The following TSPAN7 variants were observed in gnomAD, a reference collection of about 807,000 sequenced individuals.
TSPAN7 encodes tetraspanin-7.
A neutral mutation model predicts 17.6 loss-of-function variants in TSPAN7; 1 was observed. The ratio of observed to expected loss-of-function variants is 0.06; its 90% CI spans 0.02 to 0.27. The LOEUF is 0.27. TSPAN7 is among the 10% of genes least tolerant of loss of function. The pLI is 1.00. For synonymous variants in TSPAN7, 78 were observed against 79.0 expected, an observed-to-expected ratio of 0.99 and a Z score of 0.07; for missense variants, 112 against 201.7, an observed-to-expected ratio of 0.56 and a Z score of 2.69.
chrX:38,661,287 A>G (rs912422194), intron 1 of TSPAN7, among the ~76,000 whole-genome samples: 2 of 112,734 alleles, frequency 1.8e-5, no homozygotes, highest in African/African-American at 6.4e-5. Context: ...TGCCAAACCT[A>G]TCTGTAAGTT....
chrX:38,666,889 C>T (rs2069785955), intron 2 of TSPAN7, among the ~76,000 whole-genome samples: 1 of 112,059 alleles, frequency 8.9e-6, no homozygotes, highest in Admixed American at 9.4e-5. Context: ...CTTGAGCCAT[C>T]GTGCCCGGCC....
chrX:38,646,528 C>T (rs1234502848), intron 1 of TSPAN7, among the ~76,000 whole-genome samples: 1 of 111,867 alleles, frequency 8.9e-6, no homozygotes, highest in Non-Finnish European at 1.9e-5. Flanking sequence ...AAAGTGCGTT[C>T]GCAATTACCA....
At chrX:38,610,376 A>C (rs1602098175) in intron 1 of TSPAN7, among the ~76,000 whole-genome samples, 1 of 112,169 alleles carries the variant, frequency 8.9e-6, no homozygotes, top group African/African-American at 3.2e-5. Flanking sequence ...GGCATATGTA[A>C]ACATACACAC....
chrX:38,627,536 T>C lies in TSPAN7; in HGVS notation c.82-38585T>C, dbSNP rs186632192. On this transcript the variant is annotated intron_variant, in intron 1 of 7. Transcript: ENST00000378482. ...GAATGTGTGTACTAGTCCAATACCCTTTTCCAGCATAGATAAACTGCCAGG... is the reference window on the plus strand; with the variant it reads ...GAATGTGTGTACTAGTCCAATACCCCTTTCCAGCATAGATAAACTGCCAGG... Among the ~76,000 whole-genome samples, 197 of 111,771 alleles carry C rather than the reference T, an allele frequency of 1.8e-3. 4 individuals are homozygous for C. Among genetic ancestry groups the C allele is most frequent in the Admixed American group, 0.017 (177 of 10,559 alleles).
chrX:38,643,672 CAAAAAA>C (rs34238064), intron 1 of TSPAN7, among the ~76,000 whole-genome samples: 1 of 56,051 alleles, frequency 1.8e-5, no homozygotes, highest in African/African-American at 7.1e-5. Flanking sequence ...CCGTCTCTAC[CAAAAAA>C]AAAAAAAAAA....
chrX:38,587,758 C>T (rs180997804), intron 1 of TSPAN7, among the ~76,000 whole-genome samples: 20 of 112,057 alleles, frequency 1.8e-4, no homozygotes, highest in Non-Finnish European at 3.0e-4. Context: ...TCTATATTAA[C>T]ATCTCTCATA....
chrX:38,628,488 G>A (rs946841286), intron 1 of TSPAN7, among the ~76,000 whole-genome samples: 8 of 111,769 alleles, frequency 7.2e-5, no homozygotes, highest in African/African-American at 2.6e-4. Context: ...GCAGAGTATA[G>A]TACCCCTCTG....
At chrX:38,591,425 G>A (rs2069291053) in intron 1 of TSPAN7, among the ~76,000 whole-genome samples, 1 of 111,322 alleles carries the variant, frequency 9.0e-6, no homozygotes, top group Non-Finnish European at 1.9e-5. Flanking sequence ...AGATTTATTG[G>A]GTTTTGTTTA....
At chrX:38,644,927 G>A (rs2069636269) in intron 1 of TSPAN7, among the ~76,000 whole-genome samples, 1 of 111,785 alleles carries the variant, frequency 8.9e-6, no homozygotes, top group Non-Finnish European at 1.9e-5. Flanking sequence ...AAGGTCTCCC[G>A]GCCGGTAAGT....
At position 38,660,451 on chromosome X, in the gene TSPAN7, C is replaced by T. The variant is rs755703195; in HGVS notation, c.82-5670C>T. Among the ~76,000 whole-genome samples the T allele has an allele frequency of 1.8e-4, 20 of 111,936 alleles. No homozygotes were observed. In the East Asian group the frequency reaches 5.3e-3, roughly 30 times the overall value. ...TTTGTCCCCTTGGCACACACACTCA[C>T]ATAAGAATCAGCTAAGAGAATAGTT... On this transcript the variant is annotated intron_variant, in intron 1 of 7. Coordinates refer to ENST00000378482, the MANE Select transcript of TSPAN7 (RefSeq NM_004615.4).
At chrX:38,660,217 A>T (rs2069736096) in intron 1 of TSPAN7, among the ~76,000 whole-genome samples, 2 of 111,931 alleles carry the variant, frequency 1.8e-5, no homozygotes, top group African/African-American at 3.3e-5. Context: ...GAATCCCAAT[A>T]AATTCTGGTT....
intron 2 of TSPAN7, among the ~76,000 whole-genome samples, chrX:38,670,953 C>T (rs1279300079): frequency 8.9e-6 from 1 of 111,939 alleles, no homozygotes; most frequent in Non-Finnish European, 1.9e-5. Context: ...GCTTGCAGAC[C>T]GTCGTGAGGA....
At chrX:38,659,664 ATT>A (rs536060824) in intron 1 of TSPAN7, among the ~76,000 whole-genome samples, 3 of 99,304 alleles carry the variant, frequency 3.0e-5, no homozygotes, top group Admixed American at 1.1e-4. Context: ...TTTAATTCTA[ATT>A]TTTTTTTTTT....
chrX:38,571,228 G>A (rs766135936), intron 1 of TSPAN7, among the ~76,000 whole-genome samples: 1 of 110,877 alleles, frequency 9.0e-6, no homozygotes, highest in Non-Finnish European at 1.9e-5. Flanking sequence ...TCAGACACAG[G>A]TACTGGTGAA....
intron 1 of TSPAN7, among the ~76,000 whole-genome samples, chrX:38,613,847 G>T (rs192536960): frequency 5.4e-5 from 6 of 111,161 alleles, no homozygotes; most frequent in African/African-American, 2.0e-4. Context: ...AATGGAAAGG[G>T]GAGCTAGACA....
chrX:38,639,835 AT>A (rs200604728), intron 1 of TSPAN7, among the ~76,000 whole-genome samples: 1 of 109,195 alleles, frequency 9.2e-6, no homozygotes, highest in Non-Finnish European at 1.9e-5. Flanking sequence ...GGATGAGAGT[AT>A]TTTTTTTCTC....
At chrX:38,575,479 G>A (rs1222010117) in intron 1 of TSPAN7, among the ~76,000 whole-genome samples, 5 of 111,941 alleles carry the variant, frequency 4.5e-5, no homozygotes, top group Admixed American at 9.5e-5. Context: ...TAGTGAATAT[G>A]ATTTAATAAA....
intron 1 of TSPAN7, among the ~76,000 whole-genome samples, chrX:38,650,619 C>T (rs187861318): frequency 8.9e-6 from 1 of 112,513 alleles, no homozygotes; most frequent in East Asian, 2.8e-4. Context: ...GGGCCAGTCA[C>T]TTTCAGCTGA....
At chrX:38,667,727 G>C (rs1330818538) in intron 2 of TSPAN7, among the ~76,000 whole-genome samples, 1 of 112,333 alleles carries the variant, frequency 8.9e-6, no homozygotes, top group Non-Finnish European at 1.9e-5. Flanking sequence ...TTATGGGCCA[G>C]GCTTCTGCTG....
Sources: allele counts gnomAD v4.1 joint callset (sites outside exome capture counted in the v4.1 genomes callset), GRCh38; gene constraint gnomAD v4.1.1; transcripts MANE v1.5; gene names NCBI Gene and HGNC (gene_info 2026-07-23, HGNC 2026-07-21).